Variants in GTPBP8 observed in about 807,000 individuals in gnomAD.
The protein encoded by GTPBP8 is GTP-binding protein 8.
A neutral mutation model predicts 27.3 loss-of-function variants in GTPBP8; 21 were observed. That is an observed-to-expected ratio of 0.77 (90% CI 0.55 to 1.11). The LOEUF is 1.11. Ranked by LOEUF, GTPBP8 falls within the 50% of genes least tolerant of loss-of-function variation. The pLI is 0.00. For synonymous variants in GTPBP8, 147 were observed against 135.3 expected (o/e 1.09, Z -0.60); for missense variants, 380 against 350.8 (o/e 1.08, Z -0.67).
intron 1 of GTPBP8, chr3:112,991,843 A>G: frequency 4.3e-6 from 1 of 235,140 alleles, no homozygotes; most frequent in Non-Finnish European, 8.6e-6. Flanking sequence ...CCTAATCTAA[A>G]TTTCCTATCG....
Position 113,001,945 on chromosome 3 carries a change from A to G in GTPBP8, c.*1026A>G, listed in dbSNP as rs981531596. The G allele has an allele frequency of 2.0e-5, 3 of 152,222 alleles. No individual in the cohort carries two copies. The highest frequency in any genetic ancestry group is 7.2e-5 in the African/African-American group (3 of 41,452). The allele number at this position is 152,222 out of a possible 1,614,324, so 9.4% of individuals were successfully genotyped here. ...TAAAAGGTTATAGCTGTATTGCTGGATAACAAATTAAAGCTATAAACCAAC... is the reference window on the plus strand; with the variant it reads ...TAAAAGGTTATAGCTGTATTGCTGGGTAACAAATTAAAGCTATAAACCAAC... On this transcript the variant is annotated 3_prime_UTR_variant, in exon 6 of 6. Coordinates refer to ENST00000383678, the MANE Select transcript of GTPBP8 (RefSeq NM_014170.4).
intron 1 of GTPBP8, 140 bp downstream of exon 1, chr3:112,991,475 C>T: frequency 7.7e-6 from 6 of 782,208 alleles, no homozygotes; most frequent in Non-Finnish European, 1.3e-5. Context: ...ACTCAATAGG[C>T]ATATGTCGAT....
At chr3:113,000,130 G>A (rs890427002) in intron 5 of GTPBP8, among the ~76,000 whole-genome samples, 2 of 152,160 alleles carry the variant, frequency 1.3e-5, no homozygotes, top group African/African-American at 4.8e-5. Context: ...GCTCATGCCT[G>A]TGATCCTAGC....
At chr3:113,000,056 A>T (rs1933862334) in intron 5 of GTPBP8, among the ~76,000 whole-genome samples, 1 of 152,128 alleles carries the variant, frequency 6.6e-6, no homozygotes, top group East Asian at 1.9e-4. Flanking sequence ...GAAAACCTGT[A>T]ATATTATCAG....
Position 112,993,130 on chromosome 3 carries a change from T to C in GTPBP8, c.435+6T>C, listed in dbSNP as rs1933716311. 1.4e-6 allele frequency: 2 copies of C among 1,461,368 alleles called. No individual in the cohort carries two copies. The highest frequency in any genetic ancestry group is 2.3e-5 in the East Asian group (1 of 44,078). The allele number at this position is 1,461,368 out of a possible 1,614,324, so 90.5% of individuals were successfully genotyped here. ...TCAGAGTCTCCAAAAAACCAGTATG[T>C]TGAAGTTTTTAAATATGTTTGGACT... On this transcript the variant is annotated splice_donor_region_variant and intron_variant, in intron 2 of 5. Coordinates refer to ENST00000383678, the MANE Select transcript of GTPBP8 (RefSeq NM_014170.4).
At chr3:112,996,761 G>A in intron 3 of GTPBP8, 131 bp from the exon 4 acceptor site, 1 of 619,332 alleles carries the variant, frequency 1.6e-6, no homozygotes, top group Non-Finnish European at 2.9e-6. Flanking sequence ...AATTCCTGTT[G>A]CCTAAAGAAA....
intron 3 of GTPBP8, among the ~76,000 whole-genome samples, chr3:112,995,622 C>A (rs527633578): frequency 8.6e-5 from 13 of 151,634 alleles, no homozygotes; most frequent in African/African-American, 2.4e-5. Flanking sequence ...CTGCAACCTT[C>A]TTCTCCAGAG....
Position 112,991,205 on chromosome 3 carries a change from G to C in GTPBP8, c.206G>C (p.Arg69Pro), listed in dbSNP as rs759296716. Residue 69 changes from arginine (R) to proline (P), a missense_variant, in exon 1 of 6, where the codon CGT becomes CCT. By Grantham distance (103) the Arg-to-Pro change is moderately radical. Transcript: ENST00000383678. ...APYGRQDLHL[R>P]IFDPSPEDIA... Reference sequence around the variant, plus strand: ...TACGGGAGGCAAGACCTTCACCTGCGTATCTTTGACCCAAGCCCGGAGGAC... The same window carrying C: ...TACGGGAGGCAAGACCTTCACCTGCCTATCTTTGACCCAAGCCCGGAGGAC... The C allele has an allele frequency of 6.8e-6, 11 of 1,614,054 alleles. No homozygotes were observed. The highest frequency in any genetic ancestry group is 5.5e-5 in the South Asian group (5 of 91,088).
At chr3:112,991,557 T>C in intron 1 of GTPBP8, 1 of 694,064 alleles carries the variant, frequency 1.4e-6, no homozygotes, top group Non-Finnish European at 2.6e-6. Flanking sequence ...CATAAACCCA[T>C]GGTAAAGTCA....
chr3:112,998,398 TA>T (rs1209264870), intron 4 of GTPBP8, among the ~76,000 whole-genome samples: 2 of 152,136 alleles, frequency 1.3e-5, no homozygotes, highest in African/African-American at 4.8e-5. Flanking sequence ...TATTATAAAG[TA>T]TATTACAAAG....
chr3:112,997,032 C>A (rs1933801046), intron 4 of GTPBP8, 41 bp downstream of exon 4: 4 of 897,684 alleles, frequency 4.5e-6, no homozygotes, highest in South Asian at 2.7e-5. Context: ...TTAGAAATAT[C>A]AGTTCTACGT....
intron 3 of GTPBP8, 81 bp downstream of exon 3, chr3:112,995,346 T>A: frequency 1.2e-6 from 1 of 833,544 alleles, no homozygotes; most frequent in Non-Finnish European, 1.9e-6. Flanking sequence ...TACACATGAT[T>A]AACACTTCAG....
intron 2 of GTPBP8, among the ~76,000 whole-genome samples, chr3:112,993,755 A>G (rs72952181): frequency 0.067 from 10,155 of 152,136 alleles, 821 homozygotes; most frequent in East Asian, 0.19. Flanking sequence ...GCGTGCACGA[A>G]CGCACACACA....
intron 3 of GTPBP8, among the ~76,000 whole-genome samples, chr3:112,996,615 A>G (rs1261173351): frequency 1.3e-5 from 2 of 152,222 alleles, no homozygotes; most frequent in African/African-American, 4.8e-5. Flanking sequence ...CACTCATTAT[A>G]TATCAAGTCC....
chr3:112,993,079 A>G lies in GTPBP8; in HGVS notation c.390A>G (p.Leu130=). The G allele has an allele frequency of 5.0e-6, 8 of 1,611,694 alleles. No individual in the cohort carries two copies. Among genetic ancestry groups the G allele is most frequent in the Non-Finnish European group, 6.8e-6 (8 of 1,178,114 alleles). Residue 130 remains leucine, a synonymous_variant, in exon 2 of 6, where the codon TTA becomes TTG. Transcript: ENST00000383678. ...NVGKSSLIKA[L]FSLAPEVEVR... ...GAAAATCATCTCTAATCAAGGCTTTATTTTCACTGGCCCCTGAGGTTGAAG... is the reference window on the plus strand; with the variant it reads ...GAAAATCATCTCTAATCAAGGCTTTGTTTTCACTGGCCCCTGAGGTTGAAG...
intron 4 of GTPBP8, among the ~76,000 whole-genome samples, chr3:112,998,744 T>C (rs1265290556): frequency 2.0e-5 from 3 of 152,168 alleles, no homozygotes; most frequent in Non-Finnish European, 1.5e-5. Context: ...ATGGGAGTTA[T>C]GAGAAAGGAA....
In GTPBP8 at chr3:112,999,512, A is replaced by T. The variant is rs201243513; in HGVS notation, c.733A>T (p.Lys245Ter). Residue 245 changes from lysine (K) to a stop codon, truncating the protein, a stop_gained, in exon 5 of 6, where the codon AAA becomes TAA. Transcript: ENST00000383678. LOFTEE classifies it high-confidence loss of function. ...TTTAAAACAAGTGCTTCAGATCCAG[A>T]AATTTGTTAACATGAAAACTCAAGG... The part of the protein sequence containing the change: ...HLLKQVLQIQ[K>*]FVNMKTQGCF... 10 of 1,538,800 alleles carry T rather than the reference A, an allele frequency of 6.5e-6. No individual in the cohort carries two copies. Among genetic ancestry groups the T allele is most frequent in the Non-Finnish European group, 8.0e-6 (9 of 1,127,750 alleles).
chr3:112,993,075 CT>C lies in GTPBP8; in HGVS notation c.389del (p.Leu130TyrfsTer22). The C allele has an allele frequency of 1.2e-6, 2 of 1,611,518 alleles. No individual in the cohort carries two copies. The highest frequency in any genetic ancestry group is 1.7e-6 in the Non-Finnish European group (2 of 1,178,136). ...GTTGGAAAATCATCTCTAATCAAGG[CT>C]TTATTTTCACTGGCCCCTGAGGTTG... ...SNVGKSSLIK[A>X]LFSLAPEVEV... is the part of the protein sequence containing the mutation. On this transcript the variant is annotated frameshift_variant, in exon 2 of 6. Coordinates refer to ENST00000383678, the MANE Select transcript of GTPBP8 (RefSeq NM_014170.4). LOFTEE classifies it high-confidence loss of function.
intron 2 of GTPBP8, among the ~76,000 whole-genome samples, chr3:112,994,151 A>G (rs1933739718): frequency 1.3e-5 from 2 of 152,220 alleles, no homozygotes; most frequent in Non-Finnish European, 2.9e-5. Context: ...TGCCGGGCAC[A>G]GTGGCTCATG....
Sources: gnomAD v4.1 joint callset for allele counts (sites outside exome capture counted in the v4.1 genomes callset) on GRCh38, gnomAD v4.1.1 for gene constraint, MANE v1.5 for transcripts, NCBI Gene and HGNC (gene_info 2026-07-23, HGNC 2026-07-21) for gene names.